ARAP2: variants seen among roughly 807,000 people sequenced by gnomAD.
The protein encoded by ARAP2 is arf-GAP with Rho-GAP domain, ANK repeat and PH domain-containing protein 2.
In ARAP2, 148 loss-of-function variants were observed where a neutral mutation model predicts 194.5. The observed-to-expected ratio is 0.76, with a 90% CI of 0.67 to 0.87. ARAP2 has a LOEUF of 0.87. Among genes scored for constraint, ARAP2 ranks in the 40% least tolerant of loss-of-function variants. ARAP2 has a pLI of 0.00. For synonymous variants in ARAP2, 695 were observed against 683.5 expected (o/e 1.02, Z -0.26); for missense variants, 2,128 against 1,989.7 (o/e 1.07, Z -1.32).
chr4:36,079,979 C>T (rs1347305936), intron 31 of ARAP2, among the ~76,000 whole-genome samples: 1 of 152,112 alleles, frequency 6.6e-6, no homozygotes, highest in African/African-American at 2.4e-5. Context: ...GCCAAGGAGG[C>T]TGTGGGGCTG....
Position 36,083,444 on chromosome 4 carries a change from T to C in ARAP2, c.4432A>G (p.Lys1478Glu). The change falls in exon 29 of 33, where the codon AAA becomes GAA. Residue 1478 changes from lysine (K) to glutamate (E), a missense_variant. Physicochemically the swap from Lys to Glu is moderately conservative, Grantham distance 56. Coordinates refer to ENST00000303965, the MANE Select transcript of ARAP2 (RefSeq NM_015230.4). ...LFLYKDVKSSKHDKMFSLSSM... is the reference protein window; with the variant it reads ...LFLYKDVKSSEHDKMFSLSSM... Reference sequence around the variant, plus strand: ...CTGAGAGAAAACATCTTGTCATGTTTACTACTCTGTAAGGTAAAAAAATAA... The same window carrying C: ...CTGAGAGAAAACATCTTGTCATGTTCACTACTCTGTAAGGTAAAAAAATAA... The C allele has an allele frequency of 1.3e-6, 2 of 1,590,330 alleles. No individual in the cohort carries two copies. Among genetic ancestry groups the C allele is most frequent in the Non-Finnish European group, 1.7e-6 (2 of 1,168,372 alleles).
intron 27 of ARAP2, among the ~76,000 whole-genome samples, chr4:36,093,217 G>T (rs112633041): frequency 0.015 from 2,304 of 152,046 alleles, 57 homozygotes; most frequent in African/African-American, 0.052. Flanking sequence ...GGCGGAGGGT[G>T]GGGGGAAGGA....
At chr4:36,167,237 G>GT (rs1735495653) in intron 9 of ARAP2, among the ~76,000 whole-genome samples, 190 bp from the exon 10 acceptor site, 1 of 152,048 alleles carries the variant, frequency 6.6e-6, no homozygotes. Flanking sequence ...TATTGATAGC[G>GT]TATGGGTTTC....
chr4:36,160,430 C>A, intron 13 of ARAP2, 29 bp downstream of exon 13: 1 of 1,473,582 alleles, frequency 6.8e-7, no homozygotes, highest in Non-Finnish European at 9.0e-7. Flanking sequence ...CATTAAAATC[C>A]ACGTCTGCTG....
At position 36,136,579 on chromosome 4, in the gene ARAP2, T is replaced by A. The variant is rs73809118; in HGVS notation, c.3264-3190A>T. Among the ~76,000 whole-genome samples the A allele has an allele frequency of 5.2e-3, 789 of 151,790 alleles. 9 individuals are homozygous for A. The highest frequency in any genetic ancestry group is 0.018 in the African/African-American group (743 of 41,454). ...TAAACTTGACCACATAAAAAATAAA[T>A]ATGCTCATATAAAAAAGATTTTAAA... On this transcript the variant is annotated intron_variant, in intron 19 of 32. Coordinates refer to ENST00000303965, the MANE Select transcript of ARAP2 (RefSeq NM_015230.4).
intron 19 of ARAP2, among the ~76,000 whole-genome samples, chr4:36,138,708 G>T (rs192195894): frequency 1.3e-5 from 2 of 151,730 alleles, no homozygotes; most frequent in East Asian, 3.9e-4. Context: ...ATTATGATTT[G>T]TTTTGGGCAA....
At chr4:36,168,881 G>A (rs79273354) in intron 9 of ARAP2, among the ~76,000 whole-genome samples, 1,820 of 152,202 alleles carry the variant, frequency 0.012, 25 homozygotes, top group Non-Finnish European at 0.015. Context: ...TGATCTCTAC[G>A]GAAGGAAGAA....
intron 19 of ARAP2, among the ~76,000 whole-genome samples, chr4:36,141,297 A>G (rs1305304742): frequency 6.6e-6 from 1 of 151,586 alleles, no homozygotes; most frequent in Non-Finnish European, 1.5e-5. Flanking sequence ...CTAAGTCCCA[A>G]TAACAACATC....
chr4:36,083,453 G>T lies in ARAP2; in HGVS notation c.4426-3C>A, dbSNP rs998893416. 4 of 1,564,026 alleles carry T rather than the reference G, an allele frequency of 2.6e-6. No homozygotes were observed. The highest frequency in any genetic ancestry group is 1.2e-5 in the South Asian group (1 of 84,000). On this transcript the variant is annotated splice_polypyrimidine_tract_variant and splice_region_variant and intron_variant, in intron 28 of 32. Coordinates refer to ENST00000303965, the MANE Select transcript of ARAP2 (RefSeq NM_015230.4). The stretch of plus-strand genomic sequence containing the variant: ...AACATCTTGTCATGTTTACTACTCT[G>T]TAAGGTAAAAAAATAATTTGTAATT...
chr4:36,009,239 T>C (rs1713929843), intron 9 of ARAP2, among the ~76,000 whole-genome samples: 1 of 152,106 alleles, frequency 6.6e-6, no homozygotes, highest in South Asian at 2.1e-4. Flanking sequence ...AAAAGAACAA[T>C]ATGTTCATCA....
chr4:36,075,038 G>A (rs1305193713), intron 31 of ARAP2, among the ~76,000 whole-genome samples: 1 of 151,964 alleles, frequency 6.6e-6, no homozygotes, highest in African/African-American at 2.4e-5. Flanking sequence ...ATTTCAATTG[G>A]AAAGTTATAG....
At chr4:36,079,671 T>C (rs1729068039) in intron 31 of ARAP2, among the ~76,000 whole-genome samples, 2 of 152,282 alleles carry the variant, frequency 1.3e-5, no homozygotes, top group South Asian at 4.1e-4. Context: ...AAACTACTAA[T>C]ATATGGTCCT....
chr4:36,166,283 G>C (rs1438187275), intron 10 of ARAP2, among the ~76,000 whole-genome samples: 1 of 151,980 alleles, frequency 6.6e-6, no homozygotes, highest in Non-Finnish European at 1.5e-5. Context: ...TAATACAGTT[G>C]AACTCAAAAG....
intron 23 of ARAP2, 22 bp downstream of exon 23, chr4:36,121,157 G>A (rs751399475): frequency 6.4e-7 from 1 of 1,552,328 alleles, no homozygotes; most frequent in Non-Finnish European, 8.8e-7. Flanking sequence ...ATTTTAACAA[G>A]GGCAGGATAC....
chr4:36,126,897 G>T (rs1204963405), intron 21 of ARAP2, among the ~76,000 whole-genome samples: 2 of 152,020 alleles, frequency 1.3e-5, no homozygotes, highest in African/African-American at 4.8e-5. Context: ...GAGTACAGTG[G>T]CACCATCACA....
In ARAP2 at chr4:36,165,017, C is replaced by T; in HGVS notation, c.2070G>A (p.Lys690=). ...ETLSDYEVAE[K]IWFNESNRSC... ...TCCTGTTGGATTCATTGAACCAAAT[C>T]TTCTCAGCTACTTCATAATCAGAGA... Residue 690 remains lysine (K), a synonymous_variant, in exon 11 of 33, where the codon AAG becomes AAA. Transcript: ENST00000303965. The T allele has an allele frequency of 6.2e-7, 1 of 1,614,122 alleles. No homozygotes were observed. The highest frequency in any genetic ancestry group is 8.5e-7 in the Non-Finnish European group (1 of 1,179,958).
rs1365235610 is a variant in ARAP2, at chr4:36,014,326, GAAAGAA to G, written n.1056+1054_1056+1059del. ...AGAAGGAAGGAAAGAAAGAAAGAGAGAAAGAAAGAAAGAAAGAAAGAAAGAAAGAAA... is the reference window on the plus strand; with the variant it reads ...AGAAGGAAGGAAAGAAAGAAAGAGAGAGAAAGAAAGAAAGAAAGAAAGAAA... On this transcript the variant is annotated intron_variant and non_coding_transcript_variant, in intron 8 of 12. Transcript: ENST00000503225. Among the ~76,000 whole-genome samples the G allele has an allele frequency of 2.4e-3, 95 of 40,184 alleles. 3 individuals are homozygous for G. Among genetic ancestry groups the G allele is most frequent in the African/African-American group, 7.0e-3 (79 of 11,322 alleles). The allele number at this position is 40,184 out of a possible 152,430, so 26.4% of individuals were successfully genotyped here.
At chr4:36,025,675 G>T (rs1717775922) in intron 5 of ARAP2, among the ~76,000 whole-genome samples, 1 of 149,888 alleles carries the variant, frequency 6.7e-6, no homozygotes, top group African/African-American at 2.5e-5. Flanking sequence ...ATTACACTTT[G>T]CAGAAAGAAA....
rs765166532 is a variant in ARAP2 at position 36,107,586 on chromosome 4, C to T, written c.4264G>A (p.Asp1422Asn). The change falls in exon 27 of 33, where the codon GAC becomes AAC. Residue 1422 changes from aspartate to asparagine, a missense_variant. Physicochemically the swap from Asp to Asn is conservative, Grantham distance 23 (BLOSUM62 1). Coordinates refer to ENST00000303965, the MANE Select transcript of ARAP2 (RefSeq NM_015230.4). ...CTACCACTGCAGTGTTTAATTGTGT[C>T]AGCGGTTAAGAATCTCTTCACCACC... ...YLVVKRFLTA[D>N]TIKHCSDRST... 1.2e-6 allele frequency: 2 copies of T among 1,609,876 alleles called. No individual in the cohort carries two copies. Among genetic ancestry groups the T allele is most frequent in the South Asian group, 1.1e-5 (1 of 90,628 alleles).
Sources: gnomAD v4.1 joint callset for allele counts (sites outside exome capture counted in the v4.1 genomes callset) on GRCh38, gnomAD v4.1.1 for gene constraint, MANE v1.5 for transcripts, NCBI Gene and HGNC (gene_info 2026-07-23, HGNC 2026-07-21) for gene names.